The following GRM8 variants were observed in gnomAD, a reference collection of about 807,000 sequenced individuals.
GRM8 encodes the protein glutamate metabotropic receptor 8.
A neutral mutation model predicts 87.2 loss-of-function variants in GRM8; 47 were observed. The observed-to-expected ratio is 0.54, with a 90% CI of 0.43 to 0.69. The LOEUF (loss-of-function observed/expected upper bound fraction) is 0.69. GRM8 is among the 30% of genes least tolerant of loss of function. The probability of loss-of-function intolerance (pLI) is 0.00; values close to 1 mark genes in which losing one functional copy is unlikely to be tolerated. For synonymous variants in GRM8, 396 were observed against 404.5 expected, an observed-to-expected ratio of 0.98 and a Z score of 0.25; for missense variants, 1,019 against 1,139.2, an observed-to-expected ratio of 0.89 and a Z score of 1.52.
intron 3 of GRM8, among the ~76,000 whole-genome samples, chr7:127,100,761 C>A (rs577748847): frequency 6.6e-6 from 1 of 152,318 alleles, no homozygotes; most frequent in South Asian, 2.1e-4. Flanking sequence ...TGATCTCCAC[C>A]TTGCCCTACA....
At chr7:127,069,429 G>A (rs1009395336) in intron 3 of GRM8, among the ~76,000 whole-genome samples, 1 of 152,170 alleles carries the variant, frequency 6.6e-6, no homozygotes, top group South Asian at 2.1e-4. Flanking sequence ...CTCCCAAAGT[G>A]CTGGGATTAC....
intron 2 of GRM8, among the ~76,000 whole-genome samples, chr7:127,185,808 C>T (rs1227662659): frequency 1.3e-5 from 2 of 152,112 alleles, no homozygotes; most frequent in African/African-American, 4.8e-5. Flanking sequence ...TCTATGTATA[C>T]AATTTGGTGT....
intron 6 of GRM8, among the ~76,000 whole-genome samples, chr7:126,828,807 T>C (rs1795071274): frequency 6.6e-6 from 1 of 152,244 alleles, no homozygotes; most frequent in African/African-American, 2.4e-5. Context: ...GTGTCAATTT[T>C]GGGCTTTTAG....
chr7:126,768,357 T>TAAAAAAAAAAAAAAA lies in GRM8; in HGVS notation c.1357+1493_1357+1507dup, dbSNP rs57868820. 1.9e-4 allele frequency among the ~76,000 whole-genome samples: 10 copies of TAAAAAAAAAAAAAAA among 53,518 alleles called. 1 individual carries two copies. The highest frequency in any genetic ancestry group is 5.0e-4 in the African/African-American group (6 of 12,020). 35.1% of individuals were successfully genotyped at this position (53,518 alleles called of 152,430 possible). ...CAGCAGCAGCAACACTTTGATAATG[T>TAAAAAAAAAAAAAAA]AAAAAAAAAAAAAAAAAAAAAAAAG... On this transcript the variant is annotated intron_variant, in intron 7 of 10. Transcript: ENST00000339582.
chr7:127,221,117 C>T (rs1796900764), intron 2 of GRM8, among the ~76,000 whole-genome samples: 1 of 152,190 alleles, frequency 6.6e-6, no homozygotes, highest in African/African-American at 2.4e-5. Flanking sequence ...GCCAGGAAGC[C>T]CTGCTCTTAC....
intron 7 of GRM8, among the ~76,000 whole-genome samples, chr7:126,628,260 T>G (rs2151163823): frequency 6.6e-6 from 1 of 152,288 alleles, no homozygotes; most frequent in East Asian, 1.9e-4. Flanking sequence ...GTTGCCAGGA[T>G]GGTCTCGATC....
intron 3 of GRM8, among the ~76,000 whole-genome samples, chr7:127,015,117 AGAAGAAGGAGAAGG>A (rs1815419096): frequency 7.0e-6 from 1 of 142,482 alleles, no homozygotes; most frequent in African/African-American, 2.6e-5. Flanking sequence ...AGGAAGAAGG[AGAAGAAGGAGAAGG>A]AGAAGGAAGA....
intron 3 of GRM8, among the ~76,000 whole-genome samples, chr7:126,939,196 C>G (rs1806644187): frequency 6.6e-6 from 1 of 152,018 alleles, no homozygotes; most frequent in Admixed American, 6.5e-5. Context: ...TGAAAGACAC[C>G]AATTCAATCA....
At chr7:127,053,774 C>A (rs1296807071) in intron 3 of GRM8, among the ~76,000 whole-genome samples, 1 of 106,816 alleles carries the variant, frequency 9.4e-6, no homozygotes, top group Non-Finnish European at 1.7e-5. Flanking sequence ...AGTGACAGAG[C>A]GAGACTCTGT....
intron 6 of GRM8, among the ~76,000 whole-genome samples, chr7:126,849,936 A>T (rs1012158189): frequency 5.3e-5 from 8 of 152,176 alleles, no homozygotes; most frequent in African/African-American, 1.9e-4. Flanking sequence ...TTGTTTGTCC[A>T]ATCAGTATAG....
chr7:126,856,257 T>A (rs538855046), intron 6 of GRM8, among the ~76,000 whole-genome samples: 2 of 152,282 alleles, frequency 1.3e-5, no homozygotes, highest in South Asian at 4.1e-4. Context: ...ATCCAGTGCA[T>A]CCTTTTTATT....
intron 6 of GRM8, among the ~76,000 whole-genome samples, chr7:126,871,571 G>A (rs1270706439): frequency 2.0e-5 from 3 of 152,150 alleles, no homozygotes; most frequent in Non-Finnish European, 4.4e-5. Context: ...CTCCATGCCA[G>A]TCATTTTATA....
At chr7:126,661,553 T>C (rs1156669542) in intron 7 of GRM8, among the ~76,000 whole-genome samples, 104 of 152,274 alleles carry the variant, frequency 6.8e-4, no homozygotes, top group East Asian at 3.9e-4. Flanking sequence ...CCAGCATGAA[T>C]AGCCCCGGCT....
chr7:126,987,685 G>C (rs986998383), intron 3 of GRM8, among the ~76,000 whole-genome samples: 1 of 151,880 alleles, frequency 6.6e-6, no homozygotes, highest in Non-Finnish European at 1.5e-5. Context: ...GGATGGTCTC[G>C]ATCTCCTGAC....
At chr7:126,531,929 G>A (rs1814885692) in intron 9 of GRM8, among the ~76,000 whole-genome samples, 1 of 152,118 alleles carries the variant, frequency 6.6e-6, no homozygotes, top group African/African-American at 2.4e-5. Flanking sequence ...CACAATTTCT[G>A]GTGTCAGAGG....
chr7:126,901,746 G>C (rs1802096955), intron 6 of GRM8, among the ~76,000 whole-genome samples: 1 of 151,804 alleles, frequency 6.6e-6, no homozygotes, highest in Non-Finnish European at 1.5e-5. Flanking sequence ...CAGTGTAAAG[G>C]ATTTGTGCAT....
intron 7 of GRM8, among the ~76,000 whole-genome samples, chr7:126,738,484 T>C (rs575689476): frequency 6.6e-6 from 1 of 152,174 alleles, no homozygotes; most frequent in Admixed American, 6.6e-5. Flanking sequence ...CCAGGTTGGA[T>C]GCTGTTTAAC....
chr7:126,532,793 A>C (rs1361781313), intron 9 of GRM8, among the ~76,000 whole-genome samples, 159 bp downstream of exon 9: 1 of 38,958 alleles, frequency 2.6e-5, no homozygotes, highest in African/African-American at 7.4e-5. Flanking sequence ...ATATATATAT[A>C]TATATATATA....
At chr7:127,203,877 A>G (rs867732460) in intron 2 of GRM8, among the ~76,000 whole-genome samples, 1 of 152,016 alleles carries the variant, frequency 6.6e-6, no homozygotes, top group East Asian at 1.9e-4. Context: ...AAGAAAGAGA[A>G]AAAAAAACTC....
Sources: gnomAD v4.1 joint callset for allele counts (sites outside exome capture counted in the v4.1 genomes callset) on GRCh38, gnomAD v4.1.1 for gene constraint, MANE v1.5 for transcripts, NCBI Gene and HGNC (gene_info 2026-07-23, HGNC 2026-07-21) for gene names.